The following ARHGAP24 variants were observed in gnomAD, a reference collection of about 807,000 sequenced individuals.
ARHGAP24 encodes the protein rho GTPase-activating protein 24.
ARHGAP24 carries 50 observed loss-of-function variants against 76.4 expected under a neutral mutation model. That is an observed-to-expected ratio of 0.65 (90% CI 0.52 to 0.83). The LOEUF is 0.83. Ranked by LOEUF, ARHGAP24 falls within the 40% of genes least tolerant of loss-of-function variation. ARHGAP24 has a pLI of 0.00. For missense variants in ARHGAP24, 930 were observed against 914.2 expected (o/e 1.02, Z -0.22); for synonymous variants, 345 against 323.3 (o/e 1.07, Z -0.72).
intron 1 of ARHGAP24, among the ~76,000 whole-genome samples, chr4:85,493,557 T>G (rs1723443206): frequency 1.3e-5 from 2 of 152,246 alleles, no homozygotes; most frequent in South Asian, 4.1e-4. Flanking sequence ...TTGTCCACAT[T>G]TGACCATTGG....
At chr4:85,579,457 A>G (rs1727515897) in intron 2 of ARHGAP24, among the ~76,000 whole-genome samples, 1 of 148,470 alleles carries the variant, frequency 6.7e-6, no homozygotes, top group Non-Finnish European at 1.5e-5. Flanking sequence ...GATATATTAA[A>G]TATTTCATAG....
At position 86,002,507 on chromosome 4, in the gene ARHGAP24, A is replaced by C. The variant is rs1233772743; in HGVS notation, c.*1785A>C. The C allele has an allele frequency of 6.6e-6, 1 of 151,864 alleles. No individual in the cohort carries two copies. The highest frequency in any genetic ancestry group is 2.4e-5 in the African/African-American group (1 of 41,236). The allele number at this position is 151,864 out of a possible 1,614,324, so 9.4% of individuals were successfully genotyped here. Reference sequence around the variant, plus strand: ...CCTTATCATAGTTGATAAAAACCTCAGACTCATCCAGAAAGCTATATGATG... The same window carrying C: ...CCTTATCATAGTTGATAAAAACCTCCGACTCATCCAGAAAGCTATATGATG... On this transcript the variant is annotated 3_prime_UTR_variant, in exon 10 of 10. Coordinates refer to ENST00000395184, the MANE Select transcript of ARHGAP24 (RefSeq NM_001025616.3).
In ARHGAP24 at chr4:85,555,255, T is replaced by C. The variant is rs111264295; in HGVS notation, c.-20-15267T>C. 3.3e-5 allele frequency among the ~76,000 whole-genome samples: 5 copies of C among 152,296 alleles called. 1 individual carries two copies. The highest frequency in any genetic ancestry group is 1.2e-4 in the African/African-American group (5 of 41,552). The stretch of plus-strand genomic sequence containing the variant: ...GTTCTTTCTCATCTGTGTGGGGTGA[T>C]TCAATGCAGCTGCCACACCCCACCA... On this transcript the variant is annotated intron_variant, in intron 1 of 9. Transcript: ENST00000395184.
intron 1 of ARHGAP24, among the ~76,000 whole-genome samples, chr4:85,544,406 C>T (rs1178139728): frequency 6.6e-6 from 1 of 152,026 alleles, no homozygotes; most frequent in Non-Finnish European, 1.5e-5. Context: ...TTTGGAAACC[C>T]TAGTTAGTAT....
At chr4:85,913,653 G>T (rs2148802063) in intron 3 of ARHGAP24, among the ~76,000 whole-genome samples, 1 of 152,148 alleles carries the variant, frequency 6.6e-6, no homozygotes, top group East Asian at 1.9e-4. Flanking sequence ...CTAGAATAGT[G>T]ACTGGCATAA....
intron 4 of ARHGAP24, among the ~76,000 whole-genome samples, chr4:85,928,450 TTTTTG>T (rs1033991239): frequency 2.0e-5 from 3 of 152,014 alleles, no homozygotes; most frequent in Non-Finnish European, 4.4e-5. Flanking sequence ...ATTAATAGTT[TTTTTG>T]TTTTGTTTTG....
chr4:85,624,887 G>A (rs180892365), intron 2 of ARHGAP24, among the ~76,000 whole-genome samples: 364 of 152,262 alleles, frequency 2.4e-3, no homozygotes, highest in Middle Eastern at 0.01. Flanking sequence ...TTCTCTGATC[G>A]TAGTTTGTAT....
intron 5 of ARHGAP24, among the ~76,000 whole-genome samples, chr4:85,943,868 A>T: frequency 6.6e-6 from 1 of 151,522 alleles, no homozygotes; most frequent in East Asian, 1.9e-4. Context: ...ATTGATGGGC[A>T]TTTGGGTTGG....
At chr4:85,895,095 G>GC (rs1734102685) in intron 3 of ARHGAP24, among the ~76,000 whole-genome samples, 1 of 150,116 alleles carries the variant, frequency 6.7e-6, no homozygotes, top group Non-Finnish European at 1.5e-5. Context: ...ACTATGTAAT[G>GC]CATACACTGT....
rs529153160 is a variant in ARHGAP24 at position 85,752,448 on chromosome 4, G to A, written c.268+30476G>A. On this transcript the variant is annotated intron_variant, in intron 3 of 9. Coordinates refer to ENST00000395184, the MANE Select transcript of ARHGAP24 (RefSeq NM_001025616.3). ...AGTTATCTTTGCTGAATGCCTTTGT[G>A]GTTATTTTCTTGTTACATTAAAAAA... Among the ~76,000 whole-genome samples the A allele has an allele frequency of 2.1e-4, 27 of 125,968 alleles. No homozygotes were observed. In the South Asian group the frequency reaches 8.0e-3, roughly 37 times the overall value. 82.6% of individuals were successfully genotyped at this position (125,968 alleles called of 152,430 possible).
chr4:85,664,763 G>C (rs1205284428), intron 2 of ARHGAP24, among the ~76,000 whole-genome samples: 1 of 151,716 alleles, frequency 6.6e-6, no homozygotes, highest in Non-Finnish European at 1.5e-5. Flanking sequence ...CCTTCATTTC[G>C]TTATGTACCC....
intron 5 of ARHGAP24, among the ~76,000 whole-genome samples, chr4:85,943,324 T>C (rs989999271): frequency 2.0e-5 from 3 of 152,122 alleles, no homozygotes; most frequent in Non-Finnish European, 4.4e-5. Context: ...TTCTGAAAAT[T>C]CTGGATTCTG....
intron 2 of ARHGAP24, among the ~76,000 whole-genome samples, chr4:85,590,318 T>A (rs1728040569): frequency 6.6e-6 from 1 of 150,852 alleles, no homozygotes; most frequent in African/African-American, 2.4e-5. Context: ...TTCCTTTCCT[T>A]TTTTTCTCCC....
In ARHGAP24 at chr4:85,835,811, G is replaced by A. The variant is rs559452069; in HGVS notation, c.269-87837G>A. 5.3e-5 allele frequency among the ~76,000 whole-genome samples: 8 copies of A among 151,828 alleles called. No homozygotes were observed. The South Asian group carries it at 1.7e-3, about 32-fold the overall frequency. On this transcript the variant is annotated intron_variant, in intron 3 of 9. Coordinates refer to ENST00000395184, the MANE Select transcript of ARHGAP24 (RefSeq NM_001025616.3). Reference sequence around the variant, plus strand: ...AGAGATTCTCCTGCCTCAGCCTCTCGAGCAGCTGGGATTACAGGTGCGTGC... The same window carrying A: ...AGAGATTCTCCTGCCTCAGCCTCTCAAGCAGCTGGGATTACAGGTGCGTGC...
At chr4:85,924,605 A>G (rs1007944034) in intron 4 of ARHGAP24, 1 of 151,718 alleles carries the variant, frequency 6.6e-6, no homozygotes, top group African/African-American at 2.4e-5. Flanking sequence ...TTTATTTTCC[A>G]TTCTTTTGTA....
At chr4:85,695,852 C>T (rs557897272) in intron 2 of ARHGAP24, among the ~76,000 whole-genome samples, 2 of 152,220 alleles carry the variant, frequency 1.3e-5, no homozygotes, top group African/African-American at 4.8e-5. Flanking sequence ...ATCCACAGTA[C>T]ATATGGTACC....
Position 85,835,254 on chromosome 4 carries a change from T to TAA in ARHGAP24, c.269-88383_269-88382dup, listed in dbSNP as rs751784586. 5.6e-5 allele frequency among the ~76,000 whole-genome samples: 8 copies of TAA among 143,808 alleles called. No homozygotes were observed. The East Asian group carries it at 1.6e-3, about 29-fold the overall frequency. The allele number at this position is 143,808 out of a possible 152,430, so 94.3% of individuals were successfully genotyped here. A position where few individuals can be genotyped will look rare whatever the true frequency, so the allele number is the denominator to read the frequency against. On this transcript the variant is annotated intron_variant, in intron 3 of 9. Transcript: ENST00000395184. ...ACCTAGTAACTCGCACAATGTAATT[T>TAA]AAAAAAAAAAAAGCAAACTTTGGGC... is the stretch of plus-strand genomic sequence containing the variant.
At position 85,576,633 on chromosome 4, in the gene ARHGAP24, TC is replaced by T. The variant is rs144381757; in HGVS notation, c.180+5913del. On this transcript the variant is annotated intron_variant, in intron 2 of 9. Coordinates refer to ENST00000395184, the MANE Select transcript of ARHGAP24 (RefSeq NM_001025616.3). ...ACTAACTTTCTGTGTAGCATCTGAT[TC>T]TTTTGGTGTTTAAAACGACACTAAG... Among the ~76,000 whole-genome samples the T allele has an allele frequency of 7.8e-3, 1,184 of 152,252 alleles. 17 individuals are homozygous for T. The highest frequency in any genetic ancestry group is 0.026 in the African/African-American group (1,078 of 41,554).
intron 1 of ARHGAP24, among the ~76,000 whole-genome samples, chr4:85,553,451 A>G (rs1726226804): frequency 6.6e-6 from 1 of 152,166 alleles, no homozygotes; most frequent in African/African-American, 2.4e-5. Flanking sequence ...TCTGTTTTAC[A>G]GAGTGCTGAT....
Sources: allele counts gnomAD v4.1 joint callset (sites outside exome capture counted in the v4.1 genomes callset), GRCh38; gene constraint gnomAD v4.1.1; transcripts MANE v1.5; gene names NCBI Gene and HGNC (gene_info 2026-07-23, HGNC 2026-07-21).